The following MARCHF1 variants were observed in gnomAD, a reference collection of about 807,000 sequenced individuals.
The protein encoded by MARCHF1 is E3 ubiquitin-protein ligase MARCHF1.
Under a neutral mutation model 54.2 loss-of-function variants are expected in MARCHF1, and 40 were observed. That is an observed-to-expected ratio of 0.74 (90% CI 0.57 to 0.96). The LOEUF (loss-of-function observed/expected upper bound fraction) is 0.96. Among genes scored for constraint, MARCHF1 ranks in the 40% least tolerant of loss-of-function variants. MARCHF1 has a pLI of 0.00. For synonymous variants in MARCHF1, 236 were observed against 236.3 expected (o/e 1.00, Z 0.01); for missense variants, 586 against 656.5 (o/e 0.89, Z 1.17).
intron 4 of MARCHF1, among the ~76,000 whole-genome samples, chr4:163,782,497 C>G (rs1014648127): frequency 6.6e-6 from 1 of 151,706 alleles, no homozygotes; most frequent in African/African-American, 2.4e-5. Context: ...ATAGTGAAAC[C>G]CCGTCTCTAC....
intron 1 of MARCHF1, among the ~76,000 whole-genome samples, chr4:164,347,454 G>C (rs892278189): frequency 1.3e-5 from 2 of 152,146 alleles, no homozygotes; most frequent in Admixed American, 6.5e-5. Flanking sequence ...CAAGGGGCTT[G>C]ACATACCCTC....
chr4:164,361,043 G>A (rs1334183795), intron 1 of MARCHF1, among the ~76,000 whole-genome samples: 3 of 151,468 alleles, frequency 2.0e-5, no homozygotes, highest in African/African-American at 7.3e-5. Context: ...GATGGTCTAG[G>A]GTCATTATGG....
At chr4:164,241,613 T>C (rs372674740) in intron 1 of MARCHF1, among the ~76,000 whole-genome samples, 1 of 151,708 alleles carries the variant, frequency 6.6e-6, no homozygotes, top group East Asian at 1.9e-4. Flanking sequence ...TATAAAGAAA[T>C]GGGGGAGGAG....
intron 2 of MARCHF1, among the ~76,000 whole-genome samples, chr4:164,055,430 T>A (rs1315089793): frequency 8.8e-6 from 1 of 113,900 alleles, no homozygotes; most frequent in Non-Finnish European, 1.9e-5. Context: ...GATGAGAGAG[T>A]GACACCCTGT....
At chr4:164,040,199 A>G (rs1364432536) in intron 2 of MARCHF1, among the ~76,000 whole-genome samples, 1 of 144,612 alleles carries the variant, frequency 6.9e-6, no homozygotes, top group African/African-American at 2.5e-5. Flanking sequence ...TATTATAAAT[A>G]CATTGTATAT....
chr4:163,711,256 T>C (rs1390233893), intron 4 of MARCHF1, among the ~76,000 whole-genome samples: 2 of 152,222 alleles, frequency 1.3e-5, no homozygotes, highest in Admixed American at 6.5e-5. Flanking sequence ...TATTAATTAA[T>C]TGACTGTTCC....
At chr4:164,014,953 T>A (rs1373362508) in intron 2 of MARCHF1, among the ~76,000 whole-genome samples, 1 of 152,172 alleles carries the variant, frequency 6.6e-6, no homozygotes, top group Non-Finnish European at 1.5e-5. Flanking sequence ...ACACCCATTT[T>A]CAGCATTGGA....
At chr4:164,198,487 G>A (rs1178547826) in intron 1 of MARCHF1, among the ~76,000 whole-genome samples, 2 of 152,166 alleles carry the variant, frequency 1.3e-5, no homozygotes, top group Non-Finnish European at 2.9e-5. Context: ...CTTACACAAG[G>A]ATCATGAGAT....
At chr4:163,857,400 G>C (rs1229297639) in intron 3 of MARCHF1, among the ~76,000 whole-genome samples, 1 of 152,090 alleles carries the variant, frequency 6.6e-6, no homozygotes, top group Admixed American at 6.6e-5. Flanking sequence ...GTGTAAGAAT[G>C]TGCTGTCAGC....
At chr4:163,893,596 T>A (rs2111278199) in intron 3 of MARCHF1, among the ~76,000 whole-genome samples, 1 of 152,300 alleles carries the variant, frequency 6.6e-6, no homozygotes, top group South Asian at 2.1e-4. Context: ...GGAACTCAAG[T>A]AAATGATTAT....
intron 8 of MARCHF1, among the ~76,000 whole-genome samples, chr4:163,564,366 A>C (rs908011179): frequency 6.6e-6 from 1 of 152,202 alleles, no homozygotes; most frequent in Non-Finnish European, 1.5e-5. Flanking sequence ...TATATGGATA[A>C]AATTCTTTGA....
chr4:163,737,200 A>AT (rs1746066653), intron 4 of MARCHF1, among the ~76,000 whole-genome samples: 7 of 27,948 alleles, frequency 2.5e-4, no homozygotes, highest in East Asian at 4.4e-4. Context: ...TAGTTTATTT[A>AT]TTTATTTTTT....
At chr4:163,630,454 C>T (rs1742034028) in intron 5 of MARCHF1, among the ~76,000 whole-genome samples, 1 of 152,070 alleles carries the variant, frequency 6.6e-6, no homozygotes, top group African/African-American at 2.4e-5. Flanking sequence ...CACAGGGTTC[C>T]AGAGAATTTT....
intron 1 of MARCHF1, among the ~76,000 whole-genome samples, chr4:164,269,113 A>G (rs1733680595): frequency 6.6e-6 from 1 of 152,194 alleles, no homozygotes; most frequent in South Asian, 2.1e-4. Context: ...AAAGTTGCCA[A>G]TGACAAGGCA....
chr4:163,702,255 C>G (rs1658391660), intron 4 of MARCHF1, among the ~76,000 whole-genome samples: 1 of 152,182 alleles, frequency 6.6e-6, no homozygotes, highest in Non-Finnish European at 1.5e-5. Context: ...TATGCTACCA[C>G]AGACATTTTT....
At chr4:164,277,455 C>G (rs1733916592) in intron 1 of MARCHF1, among the ~76,000 whole-genome samples, 1 of 152,248 alleles carries the variant, frequency 6.6e-6, no homozygotes. Flanking sequence ...CAACTCCTCT[C>G]CTACTAGCTT....
intron 2 of MARCHF1, among the ~76,000 whole-genome samples, chr4:164,013,300 A>G (rs146111362): frequency 7.7e-4 from 117 of 152,304 alleles, no homozygotes; most frequent in African/African-American, 2.4e-3. Context: ...TGATCAAGCA[A>G]GAAAGAATTA....
chr4:164,193,569 AAATGGAATACATTTCATGTGTC>A (rs1351956638), intron 1 of MARCHF1, among the ~76,000 whole-genome samples: 55 of 152,094 alleles, frequency 3.6e-4, no homozygotes, highest in Non-Finnish European at 5.1e-4. Context: ...TCAATTGAGT[AAATGGAATACATTTCATGTGTC>A]AATGTGGCTG....
intron 2 of MARCHF1, among the ~76,000 whole-genome samples, chr4:164,095,415 A>AAC (rs60204920): frequency 0.18 from 26,492 of 148,820 alleles, 2,747 homozygotes; most frequent in East Asian, 0.51. Context: ...CACACACACA[A>AAC]ACACACACAC....
Sources: gnomAD v4.1 joint callset for allele counts (sites outside exome capture counted in the v4.1 genomes callset) on GRCh38, gnomAD v4.1.1 for gene constraint, MANE v1.5 for transcripts, NCBI Gene and HGNC (gene_info 2026-07-23, HGNC 2026-07-21) for gene names.